Variants in MLLT3 observed in about 807,000 individuals in gnomAD.
The protein encoded by MLLT3 is MLLT3 super elongation complex subunit, also known as protein AF-9.
In MLLT3, 4 loss-of-function variants were observed where a neutral mutation model predicts 53.2. The ratio of observed to expected loss-of-function variants is 0.08; its 90% confidence interval spans 0.04 to 0.17. The LOEUF is 0.17. MLLT3 is among the 10% of genes least tolerant of loss of function. MLLT3 has a pLI of 1.00. For missense variants in MLLT3, 569 were observed against 684.0 expected (o/e 0.83, Z 1.87); for synonymous variants, 283 against 230.6 (o/e 1.23, Z -2.06).
In MLLT3 at chr9:20,587,984, T is replaced by G. The variant is rs201358318; in HGVS notation, c.193+32670A>C. Among the ~76,000 whole-genome samples, 124 of 150,058 alleles carry G rather than the reference T, an allele frequency of 8.3e-4. 1 individual carries two copies. The East Asian group carries it at 0.015, about 18-fold the overall frequency. Reference sequence around the variant, plus strand: ...GTTTTTATGGTTTTAGGTCTAACATTTAAGTCTTTAATCCATCTTGAATTG... The same window carrying G: ...GTTTTTATGGTTTTAGGTCTAACATGTAAGTCTTTAATCCATCTTGAATTG... On this transcript the variant is annotated intron_variant, in intron 2 of 10. Coordinates refer to ENST00000380338, the MANE Select transcript of MLLT3 (RefSeq NM_004529.4).
At chr9:20,544,007 C>A (rs1297549896) in intron 2 of MLLT3, among the ~76,000 whole-genome samples, 2 of 152,048 alleles carry the variant, frequency 1.3e-5, no homozygotes, top group Non-Finnish European at 2.9e-5. Flanking sequence ...TAAAGACAGA[C>A]ATATAAATAA....
intron 5 of MLLT3, among the ~76,000 whole-genome samples, chr9:20,393,867 A>C (rs543735568): frequency 7.2e-5 from 11 of 152,342 alleles, no homozygotes; most frequent in African/African-American, 2.4e-4. Context: ...AGATATATTT[A>C]TAACTAGCAT....
At chr9:20,505,278 T>C (rs572022163) in intron 2 of MLLT3, among the ~76,000 whole-genome samples, 338 of 152,354 alleles carry the variant, frequency 2.2e-3, no homozygotes, top group Non-Finnish European at 3.0e-3. Flanking sequence ...TTTTAAAACA[T>C]CATCCATAAA....
intron 5 of MLLT3, among the ~76,000 whole-genome samples, chr9:20,367,808 G>A (rs940558304): frequency 4.6e-5 from 7 of 152,174 alleles, no homozygotes; most frequent in African/African-American, 1.7e-4. Context: ...ATCACTAAAT[G>A]AGGATGAGAA....
intron 6 of MLLT3, among the ~76,000 whole-genome samples, chr9:20,363,813 T>C (rs1249694104): frequency 6.6e-6 from 1 of 152,236 alleles, no homozygotes; most frequent in Non-Finnish European, 1.5e-5. Context: ...ATTCCCAAAA[T>C]ATTTATTAAA....
intron 2 of MLLT3, among the ~76,000 whole-genome samples, chr9:20,564,100 C>T (rs192359365): frequency 1.9e-4 from 29 of 152,192 alleles, no homozygotes; most frequent in African/African-American, 6.0e-4. Flanking sequence ...TCTAAATATA[C>T]GGGCCTATCT....
intron 5 of MLLT3, among the ~76,000 whole-genome samples, chr9:20,382,162 A>G (rs999679480): frequency 5.3e-5 from 8 of 151,764 alleles, no homozygotes; most frequent in Admixed American, 1.3e-4. Context: ...TTATATGCAC[A>G]TTAATCATCT....
chr9:20,482,374 T>C (rs536889768), intron 2 of MLLT3, among the ~76,000 whole-genome samples: 17 of 152,340 alleles, frequency 1.1e-4, no homozygotes, highest in African/African-American at 4.1e-4. Flanking sequence ...ACAAGGAAAG[T>C]AACTTTGCAA....
intron 10 of MLLT3, among the ~76,000 whole-genome samples, chr9:20,349,443 G>A (rs779830926): frequency 1.3e-5 from 2 of 151,170 alleles, no homozygotes; most frequent in Non-Finnish European, 1.5e-5. Flanking sequence ...TTTTCCTCTC[G>A]CCCCCAATGA....
At chr9:20,419,933 T>C (rs750216222) in intron 4 of MLLT3, among the ~76,000 whole-genome samples, 140 of 152,222 alleles carry the variant, frequency 9.2e-4, no homozygotes, top group Non-Finnish European at 1.6e-3. Context: ...GTCCTCAACA[T>C]GAATTCCTGA....
At chr9:20,567,304 T>TAAAAAAAAAAA (rs35505450) in intron 2 of MLLT3, among the ~76,000 whole-genome samples, 8 of 79,976 alleles carry the variant, frequency 1.0e-4, no homozygotes, top group Admixed American at 2.7e-4. Flanking sequence ...CTATATTCAG[T>TAAAAAAAAAAA]AAAAAAAAAA....
At chr9:20,373,637 C>CT (rs1268307122) in intron 5 of MLLT3, among the ~76,000 whole-genome samples, 2 of 151,964 alleles carry the variant, frequency 1.3e-5, no homozygotes, top group African/African-American at 4.8e-5. Context: ...GGAAAGAGTA[C>CT]AGTATAACTA....
At chr9:20,402,039 A>G (rs1261701437) in intron 5 of MLLT3, among the ~76,000 whole-genome samples, 1 of 152,192 alleles carries the variant, frequency 6.6e-6, no homozygotes, top group Non-Finnish European at 1.5e-5. Flanking sequence ...TATATAATAG[A>G]AAAGGAGAAA....
chr9:20,555,853 TG>T (rs1474555647), intron 2 of MLLT3, among the ~76,000 whole-genome samples: 1 of 152,246 alleles, frequency 6.6e-6, no homozygotes, highest in Non-Finnish European at 1.5e-5. Flanking sequence ...CAAGTTGGAT[TG>T]CTTCAAACAA....
intron 5 of MLLT3, among the ~76,000 whole-genome samples, chr9:20,407,639 C>T (rs1822619185): frequency 6.6e-6 from 1 of 152,194 alleles, no homozygotes; most frequent in Non-Finnish European, 1.5e-5. Context: ...TACCACCAAC[C>T]TCCTCTTAGG....
chr9:20,616,774 G>T (rs1018185161), intron 2 of MLLT3, among the ~76,000 whole-genome samples: 4 of 151,988 alleles, frequency 2.6e-5, no homozygotes, highest in Admixed American at 6.6e-5. Flanking sequence ...GTATCCAGTT[G>T]AGGGCCCCTA....
chr9:20,416,275 A>G (rs1822869391), intron 4 of MLLT3, among the ~76,000 whole-genome samples: 3 of 152,008 alleles, frequency 2.0e-5, no homozygotes, highest in Non-Finnish European at 4.4e-5. Context: ...TATTCTAATT[A>G]TGGCTCTAGA....
intron 2 of MLLT3, among the ~76,000 whole-genome samples, chr9:20,461,162 G>C (rs1409464408): frequency 6.6e-6 from 1 of 152,206 alleles, no homozygotes; most frequent in Non-Finnish European, 1.5e-5. Context: ...ATTCATGCCT[G>C]AGAGAAACAG....
At chr9:20,393,909 TTC>T (rs1822254338) in intron 5 of MLLT3, among the ~76,000 whole-genome samples, 1 of 152,162 alleles carries the variant, frequency 6.6e-6, no homozygotes, top group East Asian at 1.9e-4. Context: ...AATAAATTGG[TTC>T]TGATTATTTG....
Sources: gnomAD v4.1 joint callset for allele counts (sites outside exome capture counted in the v4.1 genomes callset) on GRCh38, gnomAD v4.1.1 for gene constraint, MANE v1.5 for transcripts, NCBI Gene and HGNC (gene_info 2026-07-23, HGNC 2026-07-21) for gene names.